OTULIN: variants seen among roughly 807,000 people sequenced by gnomAD.
The protein encoded by OTULIN is OTU deubiquitinase with linear linkage specificity.
OTULIN carries 15 observed loss-of-function variants against 39.6 expected under a neutral mutation model. The ratio of observed to expected loss-of-function variants is 0.38; its 90% confidence interval spans 0.25 to 0.58. The LOEUF (loss-of-function observed/expected upper bound fraction) is 0.58, where lower values mean the gene tolerates loss of function less well. Among genes scored for constraint, OTULIN ranks in the 20% least tolerant of loss-of-function variants. The pLI, the probability that OTULIN is intolerant of heterozygous loss-of-function variation, is 0.66. For missense variants in OTULIN, 319 were observed against 445.9 expected (o/e 0.72, Z 2.56); for synonymous variants, 156 against 170.3 (o/e 0.92, Z 0.65).
chr5:14,706,306 T>C, the OTULIN span: 3 of 152,212 alleles, frequency 2.0e-5, no homozygotes, highest in Admixed American at 1.3e-4. Context: ...TCCTGGTTGA[T>C]TGCAAATGAA....
At chr5:14,712,069 T>G in the OTULIN span, among the ~76,000 whole-genome samples, 1 of 152,240 alleles carries the variant, frequency 6.6e-6, no homozygotes, top group Non-Finnish European at 1.5e-5. Context: ...ATCATTTCCC[T>G]ACCCTGCTTT....
intron 1 of OTULIN, 64 bp from the exon 2 acceptor site, chr5:14,673,578 A>G (rs778239637): frequency 2.8e-5 from 41 of 1,455,320 alleles, no homozygotes; most frequent in Admixed American, 5.3e-5. Flanking sequence ...AAGCAGCTGT[A>G]TAATAGGACG....
chr5:14,696,547 A>G lies in OTULIN; in HGVS notation c.*3499A>G, dbSNP rs1340596332. The G allele has an allele frequency of 6.6e-6, 1 of 152,364 alleles. No homozygotes were observed. The allele number at this position is 152,364 out of a possible 1,614,324, so 9.4% of individuals were successfully genotyped here. ...TAGTTTAGCAAAGGCAGGGCGCAAT[A>G]TCAAGTAATTTAAAAATGGTCCAAG... On this transcript the variant is annotated 3_prime_UTR_variant, in exon 7 of 7. Transcript: ENST00000284274.
Position 14,697,413 on chromosome 5 carries a change from G to A in OTULIN, c.*4365G>A, listed in dbSNP as rs1736698130. ...GCTGGTCTCGAGCTCCTGGCCTCAG[G>A]TGATCCACCTGCTTTGGCCTCCCAA... On this transcript the variant is annotated 3_prime_UTR_variant, in exon 7 of 7. Transcript: ENST00000284274. 6.6e-6 allele frequency: 1 copy of A among 152,144 alleles called. No individual in the cohort carries two copies. The highest frequency in any genetic ancestry group is 1.5e-5 in the Non-Finnish European group (1 of 68,048). The allele number at this position is 152,144 out of a possible 1,614,324, so 9.4% of individuals were successfully genotyped here.
the OTULIN span, chr5:14,710,352 C>G: frequency 6.6e-6 from 1 of 152,240 alleles, no homozygotes; most frequent in African/African-American, 2.4e-5. Flanking sequence ...GAGGGAAAAG[C>G]AAGCCTTCAG....
downstream of OTULIN, among the ~76,000 whole-genome samples, chr5:14,701,244 A>C (rs1469050206): frequency 2.0e-5 from 3 of 152,108 alleles, no homozygotes; most frequent in Non-Finnish European, 4.4e-5. Flanking sequence ...CTCCCACCAC[A>C]ACTTCCTCCT....
rs1307424251 is a variant in OTULIN at position 14,696,656 on chromosome 5, C to CT, written c.*3609dup. 6.6e-6 allele frequency: 1 copy of CT among 152,176 alleles called. No individual in the cohort carries two copies. Among genetic ancestry groups the CT allele is most frequent in the Non-Finnish European group, 1.5e-5 (1 of 68,044 alleles). The allele number at this position is 152,176 out of a possible 1,614,324, so 9.4% of individuals were successfully genotyped here. A position where few individuals can be genotyped will look rare whatever the true frequency, so the allele number is the denominator to read the frequency against. On this transcript the variant is annotated 3_prime_UTR_variant, in exon 7 of 7. Transcript: ENST00000284274. ...AAACCACAGATGCCATACAGACCTCCTGTGCTTAAGTTATAGAAGAATAAA... is the reference window on the plus strand; with the variant it reads ...AAACCACAGATGCCATACAGACCTCCTTGTGCTTAAGTTATAGAAGAATAAA...
chr5:14,713,774 C>G, the OTULIN span: 1 of 1,534,508 alleles, frequency 6.5e-7, no homozygotes, highest in East Asian at 2.3e-5. This position sits in a 1 kb window ranked among gnomAD's most constrained non-coding sequence, Gnocchi z 4.4. Context: ...TGCCTAGGAC[C>G]CTGGCCTTGC....
intron 3 of OTULIN, among the ~76,000 whole-genome samples, chr5:14,679,646 T>G (rs560925961): frequency 3.8e-4 from 58 of 152,374 alleles, no homozygotes; most frequent in Admixed American, 3.5e-3. Context: ...TTTTAAATAT[T>G]TGAATATTTA....
chr5:14,691,005 T>C (rs1466717986), intron 6 of OTULIN, among the ~76,000 whole-genome samples: 1 of 152,222 alleles, frequency 6.6e-6, no homozygotes, highest in Non-Finnish European at 1.5e-5. Flanking sequence ...GGAGTCACCT[T>C]AGCCAGTAGA....
intron 1 of OTULIN, among the ~76,000 whole-genome samples, chr5:14,665,426 A>G (rs533479746): frequency 5.3e-5 from 8 of 152,328 alleles, no homozygotes; most frequent in African/African-American, 1.9e-4. Flanking sequence ...CTTTGGACCC[A>G]AAGAGAATCT....
At position 14,673,042 on chromosome 5, in the gene OTULIN, G is replaced by C. The variant is rs115377266; in HGVS notation, c.153-600G>C. 2.2e-3 allele frequency among the ~76,000 whole-genome samples: 339 copies of C among 152,294 alleles called. 3 individuals are homozygous for C. Among genetic ancestry groups the C allele is most frequent in the African/African-American group, 8.0e-3 (331 of 41,542 alleles). On this transcript the variant is annotated intron_variant, in intron 1 of 6. Coordinates refer to ENST00000284274, the MANE Select transcript of OTULIN (RefSeq NM_138348.6). ...GAGACTAGGAAGCTCTGAGTAAGAA[G>C]TCGGTAGTAGCGGACAGTGGGAATC...
At chr5:14,705,376 G>A in the OTULIN span, 2 of 152,092 alleles carry the variant, frequency 1.3e-5, no homozygotes, top group Non-Finnish European at 2.9e-5. Flanking sequence ...CTCATACGAC[G>A]TTCTAAATCC....
chr5:14,710,891 GGGA>G, the OTULIN span: 2 of 394,636 alleles, frequency 5.1e-6, no homozygotes, highest in Non-Finnish European at 9.6e-6. Flanking sequence ...GATTGTCCAG[GGGA>G]GGAGGACACA....
rs1044530914 is a variant in OTULIN at position 14,697,057 on chromosome 5, G to A, written c.*4009G>A. The A allele has an allele frequency of 2.0e-5, 3 of 152,276 alleles. No individual in the cohort carries two copies. Among genetic ancestry groups the A allele is most frequent in the Admixed American group, 6.5e-5 (1 of 15,282 alleles). The allele number at this position is 152,276 out of a possible 1,614,324, so 9.4% of individuals were successfully genotyped here. On this transcript the variant is annotated 3_prime_UTR_variant, in exon 7 of 7. Transcript: ENST00000284274. ...CCATGACCAGGAGGGGTGTGTGTGT[G>A]TGTGTGCATGTGTGTATATGCGTGT...
rs1218856696 is a variant in OTULIN at position 14,694,887 on chromosome 5, G to C, written c.*1839G>C. ...TTGCAGTATATGGGATTGTACAGCA[G>C]GAAATGCTTATCATTAATTTCTGAT... On this transcript the variant is annotated 3_prime_UTR_variant, in exon 7 of 7. Transcript: ENST00000284274. 1 of 152,588 alleles carries C rather than the reference G, an allele frequency of 6.6e-6. No homozygotes were observed. Among genetic ancestry groups the C allele is most frequent in the Non-Finnish European group, 1.5e-5 (1 of 68,040 alleles). The allele number at this position is 152,588 out of a possible 1,614,324, so 9.5% of individuals were successfully genotyped here.
At chr5:14,701,782 A>G (rs1310016742), downstream of OTULIN, among the ~76,000 whole-genome samples, 1 of 151,858 alleles carries the variant, frequency 6.6e-6, no homozygotes, top group African/African-American at 2.4e-5. Context: ...CTTATTTTCT[A>G]CATGTAGCTC....
chr5:14,681,404 C>CTT, intron 3 of OTULIN, 60 bp from the exon 4 acceptor site: 1 of 1,529,522 alleles, frequency 6.5e-7, no homozygotes, highest in East Asian at 2.3e-5. Flanking sequence ...AGGAATGAAA[C>CTT]TTTCTCTGCT....
At chr5:14,665,051 G>T in intron 1 of OTULIN, 74 bp downstream of exon 1, 1 of 952,854 alleles carries the variant, frequency 1.0e-6, no homozygotes, top group South Asian at 5.0e-5. Flanking sequence ...GGCTGGGGTG[G>T]GGAGTCGTCA....
Sources: allele counts gnomAD v4.1 joint callset (sites outside exome capture counted in the v4.1 genomes callset), GRCh38; gene constraint gnomAD v4.1.1; non-coding constraint Gnocchi (gnomAD v3.1); transcripts MANE v1.5; gene names NCBI Gene and HGNC (gene_info 2026-07-23, HGNC 2026-07-21).